CDH3: variants seen among roughly 807,000 people sequenced by gnomAD.
The protein encoded by CDH3 is cadherin 3.
A neutral mutation model predicts 82.0 loss-of-function variants in CDH3; 54 were observed. That is an observed-to-expected ratio of 0.66 (90% CI 0.53 to 0.83). The LOEUF is 0.83. Ranked by LOEUF, CDH3 falls within the 40% of genes least tolerant of loss-of-function variation. The pLI, the probability that CDH3 is intolerant of heterozygous loss-of-function variation, is 0.00. For synonymous variants in CDH3, 446 were observed against 437.9 expected (o/e 1.02, Z -0.23); for missense variants, 1,054 against 1,084.6 (o/e 0.97, Z 0.40).
At chr16:68,709,059 G>A (rs1176012520) in intron 1 of CDH3, among the ~76,000 whole-genome samples, 1 of 152,130 alleles carries the variant, frequency 6.6e-6, no homozygotes, top group Non-Finnish European at 1.5e-5. Flanking sequence ...GAGTACAGGT[G>A]TGAGCCACTG....
At chr16:68,657,393 A>G (rs1960434100) in intron 2 of CDH3, among the ~76,000 whole-genome samples, 2 of 152,104 alleles carry the variant, frequency 1.3e-5, no homozygotes, top group Admixed American at 1.3e-4. Flanking sequence ...GTGTGCCTGT[A>G]ATCCCAGCTA....
At chr16:68,733,337 G>C in the CDH3 span, among the ~76,000 whole-genome samples, 4 of 152,200 alleles carry the variant, frequency 2.6e-5, no homozygotes, top group African/African-American at 7.2e-5. Flanking sequence ...TGCCCAGACT[G>C]GTCTCAAACT....
At chr16:68,691,999 C>A in intron 13 of CDH3, 73 bp downstream of exon 13, 2 of 1,251,872 alleles carry the variant, frequency 1.6e-6, no homozygotes, top group Non-Finnish European at 2.3e-6. Context: ...TGAGCTTTAA[C>A]TCCTGGAACT....
chr16:68,649,704 C>T (rs993149705), intron 2 of CDH3, among the ~76,000 whole-genome samples: 2 of 152,170 alleles, frequency 1.3e-5, no homozygotes, highest in East Asian at 3.9e-4. Context: ...GCTGGTCAGG[C>T]CCAGAAGGGG....
At chr16:68,647,965 C>A (rs1244198220) in intron 2 of CDH3, among the ~76,000 whole-genome samples, 4 of 152,178 alleles carry the variant, frequency 2.6e-5, no homozygotes, top group Admixed American at 2.6e-4. Context: ...TGAAGTTCAG[C>A]TCAAAGAACT....
intron 10 of CDH3, 123 bp downstream of exon 10, chr16:68,684,947 G>A: frequency 7.5e-7 from 1 of 1,328,832 alleles, no homozygotes; most frequent in Non-Finnish European, 1.1e-6. Flanking sequence ...TCCTGCATAG[G>A]TTCTCTTCTT....
At chr16:68,695,606 C>T (rs1439144079) in intron 14 of CDH3, among the ~76,000 whole-genome samples, 171 bp from the exon 15 acceptor site, 17 of 152,312 alleles carry the variant, frequency 1.1e-4, no homozygotes, top group Non-Finnish European at 1.6e-4. Flanking sequence ...TTTGCTAGGA[C>T]AAGGGAGGAT....
rs1491455025 is a variant in CDH3 at position 68,724,067 on chromosome 16, TCA to T, written c.*45+1452_*45+1453del. Among the ~76,000 whole-genome samples the T allele has an allele frequency of 1.4e-3, 50 of 35,418 alleles. 1 individual carries two copies. The highest frequency in any genetic ancestry group is 2.4e-3 in the Non-Finnish European group (41 of 16,950). The allele number at this position is 35,418 out of a possible 152,430, so 23.2% of individuals were successfully genotyped here. ...CTGGGCGACAGAGCGAGACTCCGTC[TCA>T]AAAAAAAAAAAAAAAAATTAGCCGG... On this transcript the variant is annotated intron_variant, in intron 2 of 2. Transcript: ENST00000569080.
At chr16:68,704,915 C>A (rs1383104856), downstream of CDH3, among the ~76,000 whole-genome samples, 1 of 151,942 alleles carries the variant, frequency 6.6e-6, no homozygotes, top group Non-Finnish European at 1.5e-5. Context: ...TTTTTTGATT[C>A]ATCTGAGTGT....
chr16:68,662,511 G>C (rs1163844516), intron 2 of CDH3, among the ~76,000 whole-genome samples: 1 of 147,652 alleles, frequency 6.8e-6, no homozygotes, highest in African/African-American at 2.5e-5. Context: ...GCTCACGTCT[G>C]TAATCCCAGC....
intron 8 of CDH3, 81 bp from the exon 9 acceptor site, chr16:68,682,221 A>C: frequency 6.8e-7 from 1 of 1,472,374 alleles, no homozygotes; most frequent in Non-Finnish European, 9.3e-7. Context: ...GGATCCCCTG[A>C]GGTTGGATGG....
At chr16:68,689,672 C>A (rs1961511344) in intron 12 of CDH3, among the ~76,000 whole-genome samples, 1 of 152,162 alleles carries the variant, frequency 6.6e-6, no homozygotes, top group Admixed American at 6.5e-5. Flanking sequence ...GTTGGCCACT[C>A]CACATGGTCG....
downstream of CDH3, among the ~76,000 whole-genome samples, chr16:68,701,293 T>G (rs974605474): frequency 6.6e-6 from 1 of 151,930 alleles, no homozygotes; most frequent in Non-Finnish European, 1.5e-5. Context: ...GGGGACAATA[T>G]TAAGTCACTC....
At chr16:68,684,154 C>T (rs1204839357) in intron 9 of CDH3, among the ~76,000 whole-genome samples, 1 of 151,940 alleles carries the variant, frequency 6.6e-6, no homozygotes, top group Non-Finnish European at 1.5e-5. Flanking sequence ...TAGCTTGAGC[C>T]CAAGAAGGTC....
chr16:68,731,033 AAAAAAAAAAAAAAAATAT>A (rs1263710961), downstream of CDH3, among the ~76,000 whole-genome samples: 2 of 29,202 alleles, frequency 6.8e-5, no homozygotes, highest in Non-Finnish European at 2.0e-4. Context: ...AAAAAAAAAA[AAAAAAAAAAAAAAAATAT>A]ATATATATAT....
At chr16:68,687,868 C>T in intron 12 of CDH3, 132 bp downstream of exon 12, 2 of 703,704 alleles carry the variant, frequency 2.8e-6, no homozygotes, top group Non-Finnish European at 5.2e-6. Flanking sequence ...CCTCTAGAAC[C>T]TCAATCAGAT....
chr16:68,660,715 C>T (rs1960543856), intron 2 of CDH3, among the ~76,000 whole-genome samples: 1 of 152,122 alleles, frequency 6.6e-6, no homozygotes, highest in Admixed American at 6.5e-5. Context: ...TCCCAGCACT[C>T]TGGGAGGCCG....
chr16:68,714,862 A>G (rs1962074006), intron 1 of CDH3, among the ~76,000 whole-genome samples: 1 of 152,086 alleles, frequency 6.6e-6, no homozygotes, highest in Non-Finnish European at 1.5e-5. Context: ...TTTAAAAATT[A>G]GCCAGGCATG....
intron 2 of CDH3, among the ~76,000 whole-genome samples, chr16:68,665,068 C>CTTTTTA (rs1246460504): frequency 2.0e-5 from 3 of 152,088 alleles, no homozygotes; most frequent in African/African-American, 7.2e-5. Context: ...TTCTGTGTTG[C>CTTTTTA]TTTTTAAATC....
Sources: gnomAD v4.1 joint callset for allele counts (sites outside exome capture counted in the v4.1 genomes callset) on GRCh38, gnomAD v4.1.1 for gene constraint, MANE v1.5 for transcripts, NCBI Gene and HGNC (gene_info 2026-07-23, HGNC 2026-07-21) for gene names.